Variants in CPED1 observed in about 807,000 individuals in gnomAD.
CPED1 encodes the protein cadherin like and PC-esterase domain containing 1.
In CPED1, 114 loss-of-function variants were observed where a neutral mutation model predicts 128.2. That is an observed-to-expected ratio of 0.89 (90% CI 0.76 to 1.04). CPED1 has a LOEUF of 1.04. Ranked by LOEUF, CPED1 falls within the 50% of genes least tolerant of loss-of-function variation. The pLI is 0.00. For synonymous variants in CPED1, 462 were observed against 426.7 expected, an observed-to-expected ratio of 1.08 and a Z score of -1.02; for missense variants, 1,211 against 1,207.1, an observed-to-expected ratio of 1.00 and a Z score of -0.05.
At chr7:121,277,429 A>G (rs1792350637) in intron 22 of CPED1, among the ~76,000 whole-genome samples, 2 of 152,242 alleles carry the variant, frequency 1.3e-5, no homozygotes, top group South Asian at 4.1e-4. Context: ...AGTTGAAACC[A>G]TGAAAATAGA....
chr7:121,099,812 A>T (rs1472723514), intron 6 of CPED1, 114 bp from the exon 7 acceptor site: 1 of 1,052,448 alleles, frequency 9.5e-7, no homozygotes, highest in East Asian at 2.5e-5. Flanking sequence ...CCACACACTG[A>T]GGGCTGGCGT....
intron 16 of CPED1, among the ~76,000 whole-genome samples, chr7:121,230,073 G>A (rs189683789): frequency 5.3e-4 from 80 of 152,112 alleles, no homozygotes; most frequent in African/African-American, 1.5e-3. Context: ...GGAAGATGAC[G>A]TTAGCAACAA....
chr7:121,199,697 A>AAAAAG (rs1797350348), intron 16 of CPED1, among the ~76,000 whole-genome samples: 1 of 41,756 alleles, frequency 2.4e-5, no homozygotes, highest in African/African-American at 9.5e-5. Flanking sequence ...AAAAAAAAAA[A>AAAAAG]AAAGAAAGAA....
At chr7:121,240,222 G>A (rs1403758447) in intron 17 of CPED1, among the ~76,000 whole-genome samples, 1 of 152,140 alleles carries the variant, frequency 6.6e-6, no homozygotes, top group Non-Finnish European at 1.5e-5. Context: ...TTGAATCTCT[G>A]TGCACGCAAT....
chr7:121,155,742 C>G (rs763500289), intron 16 of CPED1, among the ~76,000 whole-genome samples: 2 of 152,124 alleles, frequency 1.3e-5, no homozygotes, highest in Non-Finnish European at 2.9e-5. Context: ...AAACCTGAAA[C>G]TATAAACTAG....
intron 16 of CPED1, among the ~76,000 whole-genome samples, chr7:121,188,122 T>C (rs1797045902): frequency 6.6e-6 from 1 of 152,204 alleles, no homozygotes; most frequent in Non-Finnish European, 1.5e-5. Context: ...TAGAAATATA[T>C]ATCGAAGCAT....
intron 16 of CPED1, among the ~76,000 whole-genome samples, chr7:121,167,139 C>G (rs937316875): frequency 1.3e-5 from 2 of 152,228 alleles, no homozygotes; most frequent in African/African-American, 2.4e-5. Context: ...CTAAGTCTGT[C>G]TAGCCCATCA....
At chr7:121,074,509 G>GTGTTTTTT (rs1246517373) in intron 5 of CPED1, among the ~76,000 whole-genome samples, 6 of 80,838 alleles carry the variant, frequency 7.4e-5, no homozygotes, top group African/African-American at 4.5e-5. Flanking sequence ...TTTCCTTTGT[G>GTGTTTTTT]TTTTTTTTTT....
intron 16 of CPED1, among the ~76,000 whole-genome samples, chr7:121,219,963 T>C (rs1797841915): frequency 6.6e-6 from 1 of 152,060 alleles, no homozygotes; most frequent in South Asian, 2.1e-4. Context: ...GGCGATTACT[T>C]AGGTAAACCT....
intron 2 of CPED1, among the ~76,000 whole-genome samples, chr7:121,014,085 T>A (rs1462887534): frequency 6.6e-6 from 1 of 152,164 alleles, no homozygotes; most frequent in Non-Finnish European, 1.5e-5. Context: ...GAGAGTTGAT[T>A]TGGAATTTGA....
At chr7:121,115,631 C>T (rs1253534675) in intron 7 of CPED1, among the ~76,000 whole-genome samples, 5 of 152,026 alleles carry the variant, frequency 3.3e-5, no homozygotes, top group African/African-American at 1.2e-4. Flanking sequence ...CCAAATGAAT[C>T]CTTATTTGCA....
In CPED1 at chr7:121,162,859, T is replaced by A. The variant is rs188829933; in HGVS notation, c.2055+20718T>A. Among the ~76,000 whole-genome samples the A allele has an allele frequency of 1.3e-3, 205 of 152,336 alleles. 2 individuals are homozygous for A. Among genetic ancestry groups the A allele is most frequent in the African/African-American group, 4.8e-3 (199 of 41,580 alleles). On this transcript the variant is annotated intron_variant, in intron 16 of 22. Transcript: ENST00000310396. ...GGAGTTCCTGTGAAATATGCATAAA[T>A]ATCATTATCACTGATTGGATTTTGT...
intron 5 of CPED1, among the ~76,000 whole-genome samples, chr7:121,067,988 G>A (rs1322296251): frequency 2.6e-5 from 4 of 152,022 alleles, no homozygotes; most frequent in Middle Eastern, 3.2e-3. Context: ...AAATTTGTTT[G>A]AGTTCTTTGT....
chr7:121,180,310 T>C (rs920288709), intron 16 of CPED1, among the ~76,000 whole-genome samples: 1 of 152,064 alleles, frequency 6.6e-6, no homozygotes, highest in Non-Finnish European at 1.5e-5. Flanking sequence ...TTTTAAAAGG[T>C]AACACACAAA....
chr7:121,011,004 C>T (rs1792151989), intron 2 of CPED1, among the ~76,000 whole-genome samples: 1 of 152,140 alleles, frequency 6.6e-6, no homozygotes, highest in Non-Finnish European at 1.5e-5. Context: ...TTTATTCTTA[C>T]AGTGCAAAAA....
At chr7:121,098,000 C>T (rs188055907) in intron 6 of CPED1, among the ~76,000 whole-genome samples, 169 bp downstream of exon 6, 4 of 152,278 alleles carry the variant, frequency 2.6e-5, no homozygotes, top group Middle Eastern at 3.4e-3. Flanking sequence ...TTGACTTTCT[C>T]CTAGATTAAT....
chr7:121,229,880 T>C (rs1798098746), intron 16 of CPED1, among the ~76,000 whole-genome samples: 1 of 152,004 alleles, frequency 6.6e-6, no homozygotes, highest in Admixed American at 6.6e-5. Flanking sequence ...GTTAACCTTA[T>C]GGAAACATCA....
chr7:121,020,778 C>T (rs936512051), intron 3 of CPED1, among the ~76,000 whole-genome samples: 1 of 151,952 alleles, frequency 6.6e-6, no homozygotes, highest in Non-Finnish European at 1.5e-5. Flanking sequence ...AGAAGTTTTA[C>T]TCTCAGGAAG....
chr7:121,020,147 G>A (rs1285557437), intron 3 of CPED1, among the ~76,000 whole-genome samples: 5 of 152,002 alleles, frequency 3.3e-5, no homozygotes. Flanking sequence ...AAAACAAAAT[G>A]CAAACCTGCA....
Sources: gnomAD v4.1 joint callset for allele counts (sites outside exome capture counted in the v4.1 genomes callset) on GRCh38, gnomAD v4.1.1 for gene constraint, MANE v1.5 for transcripts, NCBI Gene and HGNC (gene_info 2026-07-23, HGNC 2026-07-21) for gene names.